ST6GALNAC3: variants seen among roughly 807,000 people sequenced by gnomAD.
ST6GALNAC3 encodes the protein ST6 N-acetylgalactosaminide alpha-2,6-sialyltransferase 3.
In ST6GALNAC3, 25 loss-of-function variants were observed where a neutral mutation model predicts 32.7. The observed-to-expected ratio is 0.76, with a 90% confidence interval of 0.56 to 1.07. The LOEUF is 1.07. Among genes scored for constraint, ST6GALNAC3 ranks in the 50% least tolerant of loss-of-function variants. The pLI, the probability that ST6GALNAC3 is intolerant of heterozygous loss-of-function variation, is 0.00. For missense variants in ST6GALNAC3, 355 were observed against 382.4 expected, an observed-to-expected ratio of 0.93 and a Z score of 0.60; for synonymous variants, 129 against 133.1, an observed-to-expected ratio of 0.97 and a Z score of 0.21.
rs562146117 is a variant in ST6GALNAC3, at chr1:76,456,958, T to C, written c.623+44541T>C. Among the ~76,000 whole-genome samples, 647 of 152,170 alleles carry C rather than the reference T, an allele frequency of 4.3e-3. 4 individuals are homozygous for C. The highest frequency in any genetic ancestry group is 6.9e-3 in the Non-Finnish European group (468 of 67,990). ...TGACTGTATATCTAGAAAACCCCATTGTCTCAGCCCAAAATCTCCTTAAGC... is the reference window on the plus strand; with the variant it reads ...TGACTGTATATCTAGAAAACCCCATCGTCTCAGCCCAAAATCTCCTTAAGC... On this transcript the variant is annotated intron_variant, in intron 3 of 4. Coordinates refer to ENST00000328299, the MANE Select transcript of ST6GALNAC3 (RefSeq NM_152996.4).
At chr1:76,331,172 G>A (rs887195766) in intron 2 of ST6GALNAC3, among the ~76,000 whole-genome samples, 1 of 152,128 alleles carries the variant, frequency 6.6e-6, no homozygotes, top group African/African-American at 2.4e-5. Flanking sequence ...CAGATATGCA[G>A]TGGTGTCCCC....
intron 1 of ST6GALNAC3, among the ~76,000 whole-genome samples, chr1:76,237,294 G>A (rs550571746): frequency 8.5e-5 from 13 of 152,140 alleles, no homozygotes; most frequent in South Asian, 4.2e-4. Flanking sequence ...CCACCACGCC[G>A]GGCTAATTTT....
intron 3 of ST6GALNAC3, among the ~76,000 whole-genome samples, chr1:76,619,363 GA>G (rs1648493090): frequency 1.3e-5 from 2 of 152,100 alleles, no homozygotes; most frequent in African/African-American, 4.8e-5. Context: ...GTATATGGAG[GA>G]AGCCTACTTG....
chr1:76,416,458 G>A (rs1654630904), intron 3 of ST6GALNAC3, among the ~76,000 whole-genome samples: 1 of 151,906 alleles, frequency 6.6e-6, no homozygotes, highest in Non-Finnish European at 1.5e-5. Flanking sequence ...TTAAAAATAT[G>A]TCACTAGTAG....
At position 76,509,635 on chromosome 1, in the gene ST6GALNAC3, G is replaced by C. The variant is rs1661710110; in HGVS notation, c.623+97218G>C. Among the ~76,000 whole-genome samples the C allele has an allele frequency of 6.6e-6, 1 of 152,164 alleles. No homozygotes were observed. The highest frequency in any genetic ancestry group is 1.5e-5 in the Non-Finnish European group (1 of 68,038). On this transcript the variant is annotated intron_variant, in intron 3 of 4. Coordinates refer to ENST00000328299, the MANE Select transcript of ST6GALNAC3 (RefSeq NM_152996.4). This position sits in a 1 kb window ranked among gnomAD's most constrained non-coding sequence, Gnocchi z 5.5. ...AAACAACACAAAGTTATTTTATACA[G>C]TTCGAAGTTAGAAGTCTAAAATGGG...
chr1:76,594,966 ATACAT>A (rs2040742635), intron 3 of ST6GALNAC3, among the ~76,000 whole-genome samples: 1 of 152,128 alleles, frequency 6.6e-6, no homozygotes, highest in African/African-American at 2.4e-5. Flanking sequence ...TGTCACATTG[ATACAT>A]TACATTATTA....
At chr1:76,307,812 A>G in intron 1 of ST6GALNAC3, 1 of 426,320 alleles carries the variant, frequency 2.3e-6, no homozygotes, top group South Asian at 1.8e-5. Flanking sequence ...TATAGATTGC[A>G]AATTTGCTAG....
intron 3 of ST6GALNAC3, among the ~76,000 whole-genome samples, chr1:76,499,070 A>T (rs1383503503): frequency 1.3e-5 from 2 of 152,196 alleles, no homozygotes; most frequent in Non-Finnish European, 2.9e-5. Context: ...TGTATAAACA[A>T]CCAAATACAA....
intron 2 of ST6GALNAC3, among the ~76,000 whole-genome samples, chr1:76,357,712 G>A (rs190636419): frequency 4.9e-4 from 75 of 152,226 alleles, no homozygotes; most frequent in Non-Finnish European, 8.4e-4. Context: ...CATCTGGTCC[G>A]GCTGTTCTTT....
intron 2 of ST6GALNAC3, among the ~76,000 whole-genome samples, chr1:76,381,008 C>T (rs1557839032): frequency 1.3e-5 from 2 of 151,900 alleles, no homozygotes; most frequent in Admixed American, 6.6e-5. Context: ...CTGATTGGCT[C>T]TAGGAGTGTG....
chr1:76,340,221 T>C (rs1647845549), intron 2 of ST6GALNAC3, among the ~76,000 whole-genome samples: 1 of 152,208 alleles, frequency 6.6e-6, no homozygotes, highest in South Asian at 2.1e-4. Context: ...CTTTATTTTG[T>C]GTCTATATAA....
At chr1:76,199,096 C>T (rs1018958704) in intron 1 of ST6GALNAC3, among the ~76,000 whole-genome samples, 1 of 152,160 alleles carries the variant, frequency 6.6e-6, no homozygotes, top group East Asian at 1.9e-4. Flanking sequence ...AAATTCTTCC[C>T]TTTCCTTCAA....
intron 1 of ST6GALNAC3, among the ~76,000 whole-genome samples, chr1:76,302,851 A>G (rs1304002569): frequency 6.6e-6 from 1 of 152,054 alleles, no homozygotes; most frequent in Non-Finnish European, 1.5e-5. Context: ...CAAGGAAAGA[A>G]TGAAGCAACA....
intron 3 of ST6GALNAC3, among the ~76,000 whole-genome samples, chr1:76,482,573 T>G (rs2101660061): frequency 1.3e-5 from 2 of 152,290 alleles, no homozygotes; most frequent in South Asian, 4.1e-4. Flanking sequence ...TAACAATTTT[T>G]AATAAAAGCC....
intron 1 of ST6GALNAC3, among the ~76,000 whole-genome samples, chr1:76,298,293 C>A (rs879392833): frequency 6.6e-6 from 1 of 151,966 alleles, no homozygotes; most frequent in African/African-American, 2.4e-5. Context: ...TAAAAACTTA[C>A]CCAAGAAACC....
At chr1:76,599,855 AC>A (rs1273626720) in intron 3 of ST6GALNAC3, among the ~76,000 whole-genome samples, 4 of 151,980 alleles carry the variant, frequency 2.6e-5, no homozygotes, top group African/African-American at 9.7e-5. Flanking sequence ...ATGATTATTC[AC>A]ACACAATTTT....
chr1:76,320,530 C>G (rs1465681565), intron 2 of ST6GALNAC3, among the ~76,000 whole-genome samples: 2 of 152,038 alleles, frequency 1.3e-5, no homozygotes, highest in Non-Finnish European at 2.9e-5. Context: ...TCCAAGGGGC[C>G]CCTGAAGTAC....
intron 1 of ST6GALNAC3, among the ~76,000 whole-genome samples, chr1:76,223,373 A>C (rs753815109): frequency 3.3e-5 from 5 of 152,152 alleles, no homozygotes; most frequent in Non-Finnish European, 7.4e-5. Context: ...ACACAAAGAG[A>C]AGAACAACAG....
At chr1:76,187,882 A>G (rs1433888226) in intron 1 of ST6GALNAC3, among the ~76,000 whole-genome samples, 2 of 152,084 alleles carry the variant, frequency 1.3e-5, no homozygotes, top group African/African-American at 4.8e-5. Context: ...TTGAGCCTCT[A>G]TACCTCCCTC....
Sources: allele counts gnomAD v4.1 joint callset (sites outside exome capture counted in the v4.1 genomes callset), GRCh38; gene constraint gnomAD v4.1.1; non-coding constraint Gnocchi (gnomAD v3.1); transcripts MANE v1.5; gene names NCBI Gene and HGNC (gene_info 2026-07-23, HGNC 2026-07-21).